The following LMO7 variants were observed in gnomAD, a reference collection of about 807,000 sequenced individuals.
The protein encoded by LMO7 is LIM domain only protein 7.
In LMO7, 120 loss-of-function variants were observed where a neutral mutation model predicts 206.5. The ratio of observed to expected loss-of-function variants is 0.58; its 90% CI spans 0.50 to 0.68. The LOEUF is 0.68. Among genes scored for constraint, LMO7 ranks in the 30% least tolerant of loss-of-function variants. The pLI, the probability that LMO7 is intolerant of heterozygous loss-of-function variation, is 0.00. For synonymous variants in LMO7, 706 were observed against 681.5 expected (o/e 1.04, Z -0.56); for missense variants, 1,959 against 1,957.9 (o/e 1.00, Z -0.01).
At position 75,857,948 on chromosome 13, in the gene LMO7, A is replaced by C. The variant is rs985709193; in HGVS notation, c.*5A>C. 1 of 1,608,924 alleles carries C rather than the reference A, an allele frequency of 6.2e-7. No individual in the cohort carries two copies. The highest frequency in any genetic ancestry group is 1.3e-5 in the African/African-American group (1 of 74,562). On this transcript the variant is annotated 3_prime_UTR_variant, in exon 31 of 31. Transcript: ENST00000377534. The stretch of plus-strand genomic sequence containing the variant: ...GGACGGCCAACCGCCATGTGATGTA[A>C]GCCTCCATACGAAAGCACTGTTGCA...
chr13:75,781,121 C>CCT (rs2051329153), intron 4 of LMO7, among the ~76,000 whole-genome samples: 2 of 59,518 alleles, frequency 3.4e-5, no homozygotes, highest in African/African-American at 7.4e-5. Context: ...TTTTTTTTTG[C>CCT]TTTTTTTTTT....
At chr13:75,802,423 C>T (rs1356732301) in intron 7 of LMO7, among the ~76,000 whole-genome samples, 2 of 152,120 alleles carry the variant, frequency 1.3e-5, no homozygotes, top group African/African-American at 4.8e-5. Flanking sequence ...ATTCTGAACC[C>T]GCTGTATTTC....
At chr13:75,809,038 A>C (rs1021090231) in intron 10 of LMO7, 116 bp from the exon 11 acceptor site, 1 of 773,986 alleles carries the variant, frequency 1.3e-6, no homozygotes, top group African/African-American at 1.7e-5. Flanking sequence ...GGAAGAAGTG[A>C]CCTTTTGAGA....
chr13:75,780,128 A>G (rs574255153), intron 4 of LMO7, among the ~76,000 whole-genome samples: 37 of 152,328 alleles, frequency 2.4e-4, no homozygotes, highest in African/African-American at 8.7e-4. Context: ...TGAAATTAGA[A>G]TTACTGATGA....
At chr13:75,646,850 G>A (rs2037070650) in intron 1 of LMO7, among the ~76,000 whole-genome samples, 2 of 152,288 alleles carry the variant, frequency 1.3e-5, no homozygotes, top group South Asian at 4.1e-4. Flanking sequence ...CTCCCAAAGT[G>A]CTGGGATTAC....
chr13:75,771,589 A>AAAAACAGAATT (rs1555315461), intron 4 of LMO7, among the ~76,000 whole-genome samples: 1 of 152,066 alleles, frequency 6.6e-6, no homozygotes, highest in East Asian at 1.9e-4. Flanking sequence ...CAGAATTAGT[A>AAAAACAGAATT]AGTATATTTT....
At position 75,736,137 on chromosome 13, in the gene LMO7, A is replaced by C. The variant is rs979065142; in HGVS notation, c.210+9039A>C. Among the ~76,000 whole-genome samples, 4 of 152,224 alleles carry C rather than the reference A, an allele frequency of 2.6e-5. No individual in the cohort carries two copies. In the South Asian group the frequency reaches 8.3e-4, roughly 31 times the overall value. ...TTCAAAGATCTCTCCAAGTATTTCTATTTCAAGCTTCAGAAATTCTATCTA... is the reference window on the plus strand; with the variant it reads ...TTCAAAGATCTCTCCAAGTATTTCTCTTTCAAGCTTCAGAAATTCTATCTA... On this transcript the variant is annotated intron_variant, in intron 3 of 30. Coordinates refer to ENST00000377534, the MANE Select transcript of LMO7 (RefSeq NM_001306080.2).
chr13:75,750,804 C>T (rs992263978), intron 3 of LMO7, among the ~76,000 whole-genome samples: 1 of 152,292 alleles, frequency 6.6e-6, no homozygotes, highest in Non-Finnish European at 1.5e-5. Context: ...TCTGTGGCCA[C>T]GCTTTGTGTA....
intron 6 of LMO7, among the ~76,000 whole-genome samples, chr13:75,799,605 C>T (rs924752735): frequency 6.6e-6 from 1 of 152,168 alleles, no homozygotes; most frequent in Non-Finnish European, 1.5e-5. Context: ...TTTCACAGCA[C>T]TTTTTATTTT....
chr13:75,681,706 G>GTGTATATATATATA lies in LMO7; in HGVS notation c.70-31475_70-31474insGTATATATATATAT, dbSNP rs1259746833. Among the ~76,000 whole-genome samples, 131 of 93,248 alleles carry GTGTATATATATATA rather than the reference G, an allele frequency of 1.4e-3. 8 individuals carry two copies. The highest frequency in any genetic ancestry group is 2.1e-3 in the Non-Finnish European group (96 of 44,946). The allele number at this position is 93,248 out of a possible 152,430, so 61.2% of individuals were successfully genotyped here. Reference sequence around the variant, plus strand: ...ATGTCATGTATGTATGTATGTATGTGTATATATATATGTATATATATATAT... The same window carrying GTGTATATATATATA: ...ATGTCATGTATGTATGTATGTATGTGTGTATATATATATATATATATATATGTATATATATATAT... On this transcript the variant is annotated intron_variant, in intron 1 of 30. Transcript: ENST00000377534.
intron 2 of LMO7, among the ~76,000 whole-genome samples, chr13:75,721,757 C>G (rs2044037234): frequency 6.6e-6 from 1 of 152,128 alleles, no homozygotes; most frequent in African/African-American, 2.4e-5. Context: ...CTTGCAAGTG[C>G]AAATTGCACT....
chr13:75,718,588 G>A (rs925781108), intron 2 of LMO7, among the ~76,000 whole-genome samples: 2 of 151,900 alleles, frequency 1.3e-5, no homozygotes, highest in Admixed American at 6.6e-5. Flanking sequence ...CATTATCAAC[G>A]TCCCCCACCA....
chr13:75,666,263 TC>T (rs2039065880), intron 1 of LMO7, among the ~76,000 whole-genome samples: 1 of 152,246 alleles, frequency 6.6e-6, no homozygotes, highest in African/African-American at 2.4e-5. Context: ...AGCCTACTGT[TC>T]AACGCATCAG....
intron 10 of LMO7, 71 bp from the exon 11 acceptor site, chr13:75,809,083 A>T (rs2055946996): frequency 9.1e-7 from 1 of 1,093,042 alleles, no homozygotes; most frequent in Non-Finnish European, 1.4e-6. Context: ...TAAGTGGAAG[A>T]CATTGAACGT....
chr13:75,754,050 A>C (rs1023021534), intron 3 of LMO7, among the ~76,000 whole-genome samples: 1 of 152,242 alleles, frequency 6.6e-6, no homozygotes, highest in Non-Finnish European at 1.5e-5. Context: ...CATAACATAA[A>C]GTATTAAAAC....
chr13:75,707,403 G>T (rs968645640), intron 1 of LMO7, among the ~76,000 whole-genome samples: 1 of 151,810 alleles, frequency 6.6e-6, no homozygotes, highest in African/African-American at 2.4e-5. Flanking sequence ...TTTATGACAT[G>T]AATTTCAATT....
At chr13:75,629,920 G>A (rs894256340) in intron 2 of LMO7, among the ~76,000 whole-genome samples, 1 of 152,188 alleles carries the variant, frequency 6.6e-6, no homozygotes, top group African/African-American at 2.4e-5. Flanking sequence ...GGGGATTGAA[G>A]GTTGTGGGAT....
At chr13:75,692,520 G>A (rs2041573987) in intron 1 of LMO7, among the ~76,000 whole-genome samples, 1 of 151,848 alleles carries the variant, frequency 6.6e-6, no homozygotes, top group East Asian at 1.9e-4. Context: ...CGAGTATCTG[G>A]CACCACAGGC....
At chr13:75,798,085 G>T (rs898500144) in intron 6 of LMO7, among the ~76,000 whole-genome samples, 3 of 152,028 alleles carry the variant, frequency 2.0e-5, no homozygotes, top group South Asian at 2.1e-4. Flanking sequence ...AAACCTATGT[G>T]GGGGGCTGGG....
Sources: allele counts gnomAD v4.1 joint callset (sites outside exome capture counted in the v4.1 genomes callset), GRCh38; gene constraint gnomAD v4.1.1; transcripts MANE v1.5; gene names NCBI Gene and HGNC (gene_info 2026-07-23, HGNC 2026-07-21).